Variants in WNT2 observed in about 807,000 individuals in gnomAD.
The protein encoded by WNT2 is protein Wnt-2.
A neutral mutation model predicts 36.9 loss-of-function variants in WNT2; 12 were observed. The observed-to-expected ratio is 0.33, with a 90% confidence interval of 0.21 to 0.53. The LOEUF is 0.53. Among genes scored for constraint, WNT2 ranks in the 20% least tolerant of loss-of-function variants. The pLI is 0.95. For synonymous variants in WNT2, 163 were observed against 174.6 expected, an observed-to-expected ratio of 0.93 and a Z score of 0.52; for missense variants, 379 against 473.1, an observed-to-expected ratio of 0.80 and a Z score of 1.84.
In WNT2 at chr7:117,297,135, T is replaced by C. The variant is rs570909366; in HGVS notation, c.853+477A>G. Among the ~76,000 whole-genome samples the C allele has an allele frequency of 3.3e-5, 5 of 152,304 alleles. No homozygotes were observed. The South Asian group carries it at 1.0e-3, about 32-fold the overall frequency. On this transcript the variant is annotated intron_variant, in intron 4 of 4. Coordinates refer to ENST00000265441, the MANE Select transcript of WNT2 (RefSeq NM_003391.3). ...ATTTTGCTAATCTGCGTATCTTGACTTTTTGCCCTGGACATTGTGGGGTTT... is the reference window on the plus strand; with the variant it reads ...ATTTTGCTAATCTGCGTATCTTGACCTTTTGCCCTGGACATTGTGGGGTTT...
intron 2 of WNT2, among the ~76,000 whole-genome samples, chr7:117,319,770 C>A (rs746708247): frequency 6.6e-6 from 1 of 152,124 alleles, no homozygotes; most frequent in Admixed American, 6.5e-5. Flanking sequence ...AAGTTTACTA[C>A]GTAATTAGAA....
chr7:117,298,162 C>A (rs1338142977), intron 3 of WNT2, among the ~76,000 whole-genome samples: 1 of 151,692 alleles, frequency 6.6e-6, no homozygotes, highest in Non-Finnish European at 1.5e-5. Context: ...GGGCATGTGG[C>A]CAGTTAGAAG....
Position 117,277,988 on chromosome 7 carries a change from T to TG in WNT2, c.*166dup, listed in dbSNP as rs1272740065. On this transcript the variant is annotated 3_prime_UTR_variant, in exon 5 of 5. Coordinates refer to ENST00000265441, the MANE Select transcript of WNT2 (RefSeq NM_003391.3). ...TAGGGTAGGCTTTAGGTGCAGCGTGTGGCCCCCCCATCCTGGGGCCCCCAG... is the reference window on the plus strand; with the variant it reads ...TAGGGTAGGCTTTAGGTGCAGCGTGTGGGCCCCCCCATCCTGGGGCCCCCAG... The TG allele has an allele frequency of 1.5e-6, 1 of 667,918 alleles. No individual in the cohort carries two copies. Among genetic ancestry groups the TG allele is most frequent in the African/African-American group, 1.8e-5 (1 of 55,078 alleles). The allele number at this position is 667,918 out of a possible 1,614,324, so 41.4% of individuals were successfully genotyped here.
intron 4 of WNT2, among the ~76,000 whole-genome samples, chr7:117,297,215 G>A (rs1445787081): frequency 6.6e-6 from 1 of 152,114 alleles, no homozygotes; most frequent in Non-Finnish European, 1.5e-5. Flanking sequence ...GCTTAGGAGA[G>A]CTCTCTGTGC....
At chr7:117,307,937 G>A (rs1467091857) in intron 3 of WNT2, among the ~76,000 whole-genome samples, 1 of 152,186 alleles carries the variant, frequency 6.6e-6, no homozygotes, top group Non-Finnish European at 1.5e-5. Flanking sequence ...ATTTGAAGAA[G>A]TGTTAGTACT....
chr7:117,314,587 A>G (rs1795179584), intron 3 of WNT2, among the ~76,000 whole-genome samples: 1 of 152,214 alleles, frequency 6.6e-6, no homozygotes, highest in Non-Finnish European at 1.5e-5. Flanking sequence ...TATGAGTGAG[A>G]CTTGGGTCAG....
At chr7:117,319,468 A>G (rs886149037) in intron 2 of WNT2, among the ~76,000 whole-genome samples, 5 of 147,640 alleles carry the variant, frequency 3.4e-5, no homozygotes, top group Admixed American at 6.8e-5. Context: ...CATGATAGAA[A>G]CACCCTCTGT....
At chr7:117,288,410 G>C (rs769981417) in intron 4 of WNT2, among the ~76,000 whole-genome samples, 5 of 152,032 alleles carry the variant, frequency 3.3e-5, no homozygotes, top group Non-Finnish European at 7.4e-5. Context: ...TCTCCTTATA[G>C]ATCACACAGG....
At chr7:117,293,841 T>C (rs1296728717) in intron 4 of WNT2, among the ~76,000 whole-genome samples, 1 of 152,106 alleles carries the variant, frequency 6.6e-6, no homozygotes, top group Admixed American at 6.6e-5. Context: ...CCCAACACCT[T>C]CATTTTGAGA....
chr7:117,297,497 G>T, intron 4 of WNT2, 115 bp downstream of exon 4: 2 of 1,312,310 alleles, frequency 1.5e-6, no homozygotes, highest in Non-Finnish European at 1.0e-6. Context: ...GAATGATAAG[G>T]ATCGTGAGCT....
chr7:117,311,560 A>T (rs867064131), intron 3 of WNT2, among the ~76,000 whole-genome samples: 2 of 152,212 alleles, frequency 1.3e-5, no homozygotes, highest in African/African-American at 4.8e-5. Flanking sequence ...CAAATTATAA[A>T]ACATTTGACA....
chr7:117,307,518 T>C (rs541138363), intron 3 of WNT2, among the ~76,000 whole-genome samples: 54 of 152,320 alleles, frequency 3.5e-4, no homozygotes, highest in African/African-American at 1.2e-3. Flanking sequence ...GGGGCTCATG[T>C]TCCTTGGATT....
At chr7:117,303,081 C>T (rs6947329) in intron 3 of WNT2, among the ~76,000 whole-genome samples, 65,784 of 151,888 alleles carry the variant, frequency 0.43, 14,454 homozygotes, top group East Asian at 0.56. Context: ...CCAGACTGGG[C>T]AAATTAGAAC....
At chr7:117,285,653 A>G (rs1794565718) in intron 4 of WNT2, among the ~76,000 whole-genome samples, 1 of 152,246 alleles carries the variant, frequency 6.6e-6, no homozygotes, top group Admixed American at 6.5e-5. Flanking sequence ...TACCGGTCCT[A>G]TCATTAGAGT....
Position 117,315,303 on chromosome 7 carries a change from A to T in WNT2, c.356T>A (p.Val119Asp). ...ACAGGCCCTGGTGATGGCAAATACA[A>T]CTCCAGCTGAGGAGATGGCATAAAC... ...AFVYAISSAGVVFAITRACSQ... is the reference protein window; with the variant it reads ...AFVYAISSAGDVFAITRACSQ... The change falls in exon 3 of 5, where the codon GTT (valine) becomes GAT (aspartate). Residue 119 changes from valine (V) to aspartate (D), a missense_variant. Physicochemically the swap from Val to Asp is radical, Grantham distance 152. Transcript: ENST00000265441. The T allele has an allele frequency of 1.1e-5, 17 of 1,614,114 alleles. No individual in the cohort carries two copies. The highest frequency in any genetic ancestry group is 1.4e-5 in the Non-Finnish European group (16 of 1,179,990).
At chr7:117,320,517 G>A (rs952234756) in intron 2 of WNT2, 50 bp downstream of exon 2, 1 of 1,521,764 alleles carries the variant, frequency 6.6e-7, no homozygotes, top group African/African-American at 1.4e-5. Context: ...GAGTGAGGGA[G>A]CTGTGCATGA....
At chr7:117,307,611 C>A (rs1042471804) in intron 3 of WNT2, among the ~76,000 whole-genome samples, 1 of 152,224 alleles carries the variant, frequency 6.6e-6, no homozygotes, top group African/African-American at 2.4e-5. Flanking sequence ...GTTATAAAGA[C>A]AAACTTCTCC....
chr7:117,320,396 G>A (rs1355430348), intron 2 of WNT2, 171 bp downstream of exon 2: 5 of 660,256 alleles, frequency 7.6e-6, no homozygotes, highest in Admixed American at 5.4e-5. Context: ...CTCTAGACAT[G>A]TTCCTTGATT....
chr7:117,312,355 A>G (rs1002522854), intron 3 of WNT2, among the ~76,000 whole-genome samples: 2 of 151,918 alleles, frequency 1.3e-5, no homozygotes, highest in African/African-American at 4.8e-5. Context: ...CTAATTTTTT[A>G]TATTTTTCTG....
Sources: allele counts gnomAD v4.1 joint callset (sites outside exome capture counted in the v4.1 genomes callset), GRCh38; gene constraint gnomAD v4.1.1; transcripts MANE v1.5; gene names NCBI Gene and HGNC (gene_info 2026-07-23, HGNC 2026-07-21).